The following RNF170 variants were observed in gnomAD, a reference collection of about 807,000 sequenced individuals.
The protein encoded by RNF170 is E3 ubiquitin-protein ligase RNF170.
In RNF170, 12 loss-of-function variants were observed where a neutral mutation model predicts 32.7. The observed-to-expected ratio is 0.37, with a 90% CI of 0.24 to 0.60. The LOEUF is 0.60. Among genes scored for constraint, RNF170 ranks in the 20% least tolerant of loss-of-function variants. The pLI, the probability that RNF170 is intolerant of heterozygous loss-of-function variation, is 0.72. For missense variants in RNF170, 212 were observed against 311.2 expected, an observed-to-expected ratio of 0.68 and a Z score of 2.40; for synonymous variants, 91 against 103.6, an observed-to-expected ratio of 0.88 and a Z score of 0.74.
intron 2 of RNF170, among the ~76,000 whole-genome samples, chr8:42,875,183 A>AG (rs1482729190): frequency 5.9e-5 from 9 of 152,186 alleles, no homozygotes; most frequent in African/African-American, 2.2e-4. Flanking sequence ...AAAAAAAAAA[A>AG]AAAGAAAGAT....
intron 2 of RNF170, among the ~76,000 whole-genome samples, chr8:42,877,192 C>G (rs937365419): frequency 2.6e-5 from 4 of 151,914 alleles, no homozygotes; most frequent in African/African-American, 4.8e-5. Context: ...TCCCAAAGTG[C>G]TGGGATTACA....
chr8:42,853,285 A>T, downstream of RNF170: 1 of 1,137,030 alleles, frequency 8.8e-7, no homozygotes, highest in Non-Finnish European at 1.1e-6. Flanking sequence ...TAAACAGAAA[A>T]ATAACACCTT....
intron 1 of RNF170, 115 bp downstream of exon 1, chr8:42,896,369 C>G: frequency 2.3e-6 from 1 of 426,244 alleles, no homozygotes; most frequent in Admixed American, 2.6e-5. Flanking sequence ...GGCGGCGACT[C>G]CCGCCGCCCC....
At chr8:42,864,006 T>TGTGC (rs1176561971) in intron 5 of RNF170, among the ~76,000 whole-genome samples, 43 of 149,342 alleles carry the variant, frequency 2.9e-4, no homozygotes, top group African/African-American at 1.1e-3. Flanking sequence ...TGTGTGTGTG[T>TGTGC]GTGTGTGAAC....
Position 42,855,470 on chromosome 8 carries a change from C to G in RNF170, c.*689G>C. ...TTGTGATCTACCCGCCTCAGCCTCC[C>G]AAAGTGCTAGGATTACAGGCGTGAG... On this transcript the variant is annotated 3_prime_UTR_variant, in exon 7 of 7. Coordinates refer to ENST00000527424, the MANE Select transcript of RNF170 (RefSeq NM_030954.4). 1 of 1,076,684 alleles carries G rather than the reference C, an allele frequency of 9.3e-7. No individual in the cohort carries two copies. The highest frequency in any genetic ancestry group is 1.3e-6 in the Non-Finnish European group (1 of 797,298). 66.7% of individuals were successfully genotyped at this position (1,076,684 alleles called of 1,614,324 possible). A position where few individuals can be genotyped will look rare whatever the true frequency, so the allele number is the denominator to read the frequency against.
chr8:42,894,083 C>T (rs541746594), intron 1 of RNF170, among the ~76,000 whole-genome samples: 3 of 152,362 alleles, frequency 2.0e-5, no homozygotes, highest in African/African-American at 7.2e-5. Flanking sequence ...TACCCCAAGG[C>T]TTACGTAGAA....
intron 2 of RNF170, among the ~76,000 whole-genome samples, chr8:42,883,955 G>A (rs1214513442): frequency 1.3e-5 from 2 of 152,044 alleles, no homozygotes; most frequent in African/African-American, 4.8e-5. Context: ...CAAGTAACCG[G>A]GAGCACATTA....
chr8:42,884,574 G>A (rs1805657797), intron 2 of RNF170, among the ~76,000 whole-genome samples: 1 of 151,974 alleles, frequency 6.6e-6, no homozygotes, highest in Admixed American at 6.6e-5. Context: ...TCCCCTGAAT[G>A]TTTTCCAGCT....
chr8:42,896,106 C>A, intron 1 of RNF170: 2 of 216,348 alleles, frequency 9.2e-6, no homozygotes. Flanking sequence ...CAACTCCGAA[C>A]GCTGAGAAAC....
Position 42,854,590 on chromosome 8 carries a change from A to G in RNF170, c.*1569T>C, listed in dbSNP as rs780313609. ...GTCCAAATTAGAAAAACACATATTGATATTTCATTCAGAATCTCATTAATT... is the reference window on the plus strand; with the variant it reads ...GTCCAAATTAGAAAAACACATATTGGTATTTCATTCAGAATCTCATTAATT... On this transcript the variant is annotated 3_prime_UTR_variant, in exon 7 of 7. Transcript: ENST00000527424. The G allele has an allele frequency of 2.3e-6, 3 of 1,287,064 alleles. No homozygotes were observed. The African/African-American group carries it at 4.6e-5, about 20-fold the overall frequency. 79.7% of individuals were successfully genotyped at this position (1,287,064 alleles called of 1,614,324 possible). A position where few individuals can be genotyped will look rare whatever the true frequency, so the allele number is the denominator to read the frequency against.
intron 6 of RNF170, chr8:42,861,505 C>A: frequency 2.2e-6 from 1 of 448,416 alleles, no homozygotes; most frequent in East Asian, 4.5e-5. Flanking sequence ...CACTCTTGTC[C>A]AATTTTTTGG....
intron 1 of RNF170, among the ~76,000 whole-genome samples, chr8:42,891,735 AATT>A (rs1806320116): frequency 6.6e-6 from 1 of 152,076 alleles, no homozygotes; most frequent in African/African-American, 2.4e-5. Context: ...TGACCTTTTA[AATT>A]ATTTTAGGTT....
intron 2 of RNF170, among the ~76,000 whole-genome samples, chr8:42,881,751 A>G (rs560457209): frequency 2.0e-5 from 3 of 152,304 alleles, no homozygotes; most frequent in Admixed American, 2.0e-4. Context: ...CCTGGGCAAC[A>G]TGGTGAAACA....
chr8:42,850,819 C>T (rs778360409), downstream of RNF170: 15 of 1,551,478 alleles, frequency 9.7e-6, no homozygotes, highest in African/African-American at 1.4e-5. Flanking sequence ...GATGGAAACA[C>T]AGTCTAGTAA....
At chr8:42,866,525 A>G (rs1385653897) in intron 4 of RNF170, among the ~76,000 whole-genome samples, 1 of 151,592 alleles carries the variant, frequency 6.6e-6, no homozygotes, top group East Asian at 2.0e-4. Flanking sequence ...CGGAGGTTGC[A>G]GTGAGCTGAG....
intron 2 of RNF170, among the ~76,000 whole-genome samples, chr8:42,883,493 C>T (rs1330615094): frequency 6.7e-6 from 1 of 149,928 alleles, no homozygotes. Context: ...CGCTTGAACC[C>T]GGGAGGCGGA....
intron 4 of RNF170, among the ~76,000 whole-genome samples, chr8:42,869,101 G>T (rs1028529718): frequency 6.6e-6 from 1 of 151,934 alleles, no homozygotes; most frequent in African/African-American, 2.4e-5. Context: ...GTGGAGACAG[G>T]GTCTCCTTAT....
chr8:42,896,606 G>T (rs1000617718), upstream of RNF170: 2 of 453,610 alleles, frequency 4.4e-6, no homozygotes, highest in African/African-American at 4.0e-5. Flanking sequence ...TTTGGAGTGC[G>T]GGTGCGGGCG....
chr8:42,888,159 G>A (rs150220803), intron 1 of RNF170, among the ~76,000 whole-genome samples: 121 of 152,088 alleles, frequency 8.0e-4, no homozygotes, highest in African/African-American at 9.4e-4. Flanking sequence ...TCCGCCTCCC[G>A]GGTTCAAGCA....
Sources: allele counts gnomAD v4.1 joint callset (sites outside exome capture counted in the v4.1 genomes callset), GRCh38; gene constraint gnomAD v4.1.1; transcripts MANE v1.5; gene names NCBI Gene and HGNC (gene_info 2026-07-23, HGNC 2026-07-21).